RTL4: variants seen among roughly 807,000 people sequenced by gnomAD.
The protein encoded by RTL4 is retrotransposon Gag like 4.
In RTL4, 4 loss-of-function variants were observed where a neutral mutation model predicts 5.3. That is an observed-to-expected ratio of 0.75 (90% CI 0.37 to 1.72). RTL4 has a LOEUF of 1.72. Ranked by LOEUF, RTL4 falls within the 40% of genes most tolerant of loss-of-function variation. The probability of loss-of-function intolerance (pLI) is 0.04; values close to 1 mark genes in which losing one functional copy is unlikely to be tolerated. For missense variants in RTL4, 260 were observed against 227.1 expected, an observed-to-expected ratio of 1.14 and a Z score of -0.93; for synonymous variants, 98 against 87.3, an observed-to-expected ratio of 1.12 and a Z score of -0.68.
At chrX:112,098,101 T>C in the RTL4 span, among the ~76,000 whole-genome samples, 1 of 102,533 alleles carries the variant, frequency 9.8e-6, no homozygotes, top group Non-Finnish European at 2.0e-5. Flanking sequence ...TAATGCTATC[T>C]CTCCCCCCTC....
At chrX:112,266,516 C>A in the RTL4 span, among the ~76,000 whole-genome samples, 5 of 110,915 alleles carry the variant, frequency 4.5e-5, no homozygotes, top group Non-Finnish European at 9.4e-5. Context: ...TGGCAACTTC[C>A]CTGAGGTTGG....
chrX:112,280,956 C>T, the RTL4 span, among the ~76,000 whole-genome samples: 2 of 111,587 alleles, frequency 1.8e-5, no homozygotes, highest in Admixed American at 1.9e-4. Context: ...CTAAATTGAG[C>T]TAACTAACAT....
At chrX:112,212,238 A>G in the RTL4 span, among the ~76,000 whole-genome samples, 70 of 111,161 alleles carry the variant, frequency 6.3e-4, no homozygotes, top group Admixed American at 9.5e-4. Flanking sequence ...TTAGCCAGGC[A>G]TGGTGGCGGG....
chrX:112,442,798 G>A, the RTL4 span, among the ~76,000 whole-genome samples: 3 of 109,920 alleles, frequency 2.7e-5, no homozygotes, highest in Non-Finnish European at 5.7e-5. Context: ...TATATTTGTG[G>A]GTATATAGTA....
chrX:112,219,896 G>A, the RTL4 span, among the ~76,000 whole-genome samples: 3 of 111,697 alleles, frequency 2.7e-5, no homozygotes, highest in African/African-American at 9.7e-5. Flanking sequence ...TCTAATAATT[G>A]CTTAAGATAG....
At chrX:112,203,412 T>C in the RTL4 span, among the ~76,000 whole-genome samples, 1 of 111,655 alleles carries the variant, frequency 9.0e-6, no homozygotes, top group Non-Finnish European at 1.9e-5. Context: ...TATAATCCAT[T>C]TGGAGATACT....
At chrX:112,340,767 C>G in the RTL4 span, among the ~76,000 whole-genome samples, 1 of 110,682 alleles carries the variant, frequency 9.0e-6, no homozygotes, top group Non-Finnish European at 1.9e-5. Flanking sequence ...CCCAGGCTGG[C>G]GTGCAGTGGT....
chrX:112,183,992 A>G, the RTL4 span, among the ~76,000 whole-genome samples: 1 of 111,034 alleles, frequency 9.0e-6, no homozygotes, highest in Non-Finnish European at 1.9e-5. Flanking sequence ...TATACCCAGT[A>G]ATGGGATCAC....
chrX:112,204,162 A>G, the RTL4 span, among the ~76,000 whole-genome samples: 1 of 112,832 alleles, frequency 8.9e-6, no homozygotes, highest in Non-Finnish European at 1.9e-5. Context: ...TTATATCAAA[A>G]GACAAGCAAT....
At chrX:112,380,803 G>A in the RTL4 span, among the ~76,000 whole-genome samples, 2 of 112,005 alleles carry the variant, frequency 1.8e-5, no homozygotes, top group African/African-American at 6.5e-5. Flanking sequence ...GGGGCGCGGA[G>A]CAAGCGAGAC....
the RTL4 span, among the ~76,000 whole-genome samples, chrX:112,165,723 C>A: frequency 9.0e-6 from 1 of 111,639 alleles, no homozygotes; most frequent in Non-Finnish European, 1.9e-5. Flanking sequence ...CCAAAAGAGA[C>A]CTTTTAGGAA....
exon 1 of RTL4, chrX:112,455,097 G>A: frequency 8.3e-7 from 1 of 1,211,712 alleles, no homozygotes. Context: ...CCTTACTGAA[G>A]CAATATGAGA....
chrX:112,374,785 G>A, the RTL4 span, among the ~76,000 whole-genome samples: 1 of 111,568 alleles, frequency 9.0e-6, no homozygotes. Flanking sequence ...GAACTCATTC[G>A]CCTAGGTGCT....
the RTL4 span, among the ~76,000 whole-genome samples, chrX:112,283,269 T>A: frequency 8.9e-6 from 1 of 112,031 alleles, no homozygotes; most frequent in Non-Finnish European, 1.9e-5. Flanking sequence ...GAATGTTGTG[T>A]CACCCTGAAC....
chrX:112,135,570 G>A, the RTL4 span, among the ~76,000 whole-genome samples: 1 of 110,294 alleles, frequency 9.1e-6, no homozygotes, highest in Non-Finnish European at 1.9e-5. Context: ...TGGGTTTTAT[G>A]GTTTATAATG....
chrX:112,262,012 C>G, the RTL4 span, among the ~76,000 whole-genome samples: 1 of 111,585 alleles, frequency 9.0e-6, no homozygotes, highest in Admixed American at 9.5e-5. Flanking sequence ...GAAACTGGAT[C>G]CCTTCCTTAC....
the RTL4 span, among the ~76,000 whole-genome samples, chrX:112,188,731 CA>C: frequency 1.0e-5 from 1 of 99,299 alleles, no homozygotes; most frequent in South Asian, 4.2e-4. Context: ...AACAAACACT[CA>C]CCCTCAAAAA....
chrX:112,439,561 A>G, the RTL4 span, among the ~76,000 whole-genome samples: 5 of 111,563 alleles, frequency 4.5e-5, no homozygotes, highest in Non-Finnish European at 7.5e-5. Context: ...TGTAAAGAAA[A>G]ATCTGCCAAT....
chrX:112,266,131 T>C, the RTL4 span, among the ~76,000 whole-genome samples: 2 of 110,444 alleles, frequency 1.8e-5, no homozygotes, highest in Non-Finnish European at 3.8e-5. Context: ...AGGTCTAAGA[T>C]TGGGAACATG....
Sources: allele counts gnomAD v4.1 joint callset (sites outside exome capture counted in the v4.1 genomes callset), GRCh38; gene constraint gnomAD v4.1.1; transcripts MANE v1.5; gene names NCBI Gene and HGNC (gene_info 2026-07-23, HGNC 2026-07-21).